SLIT1: variants seen among roughly 807,000 people sequenced by gnomAD.
SLIT1 encodes slit guidance ligand 1.
In SLIT1, 66 loss-of-function variants were observed where a neutral mutation model predicts 186.1. The ratio of observed to expected loss-of-function variants is 0.35; its 90% CI spans 0.29 to 0.44. SLIT1 has a LOEUF of 0.44. SLIT1 is among the 20% of genes least tolerant of loss of function. The pLI is 1.00. For synonymous variants in SLIT1, 761 were observed against 833.8 expected (o/e 0.91, Z 1.50); for missense variants, 1,638 against 2,037.4 (o/e 0.80, Z 3.77).
intron 20 of SLIT1, among the ~76,000 whole-genome samples, chr10:97,042,480 G>A (rs995284303): frequency 6.6e-6 from 1 of 152,082 alleles, no homozygotes; most frequent in Non-Finnish European, 1.5e-5. Context: ...TCCTACATAT[G>A]GGGGAGGGGA....
chr10:97,053,117 G>A (rs886249852), intron 13 of SLIT1, among the ~76,000 whole-genome samples: 1 of 152,172 alleles, frequency 6.6e-6, no homozygotes, highest in African/African-American at 2.4e-5. Flanking sequence ...AAATCAGGAT[G>A]ATAAAGCACC....
intron 4 of SLIT1, among the ~76,000 whole-genome samples, chr10:97,083,537 A>G (rs146240640): frequency 1.3e-5 from 2 of 152,216 alleles, no homozygotes; most frequent in African/African-American, 2.4e-5. Context: ...GGAAAGGTGA[A>G]ATTATGTTCA....
rs183685717 is a variant in SLIT1, at chr10:97,092,943, A to T, written c.414-26857T>A. On this transcript the variant is annotated intron_variant, in intron 4 of 36. Transcript: ENST00000266058. ...TGGACTATTGTTGGCTTCATTTCAC[A>T]TAAGAGGAAAGTGAGGTTCAGAGAG... Among the ~76,000 whole-genome samples, 60 of 152,334 alleles carry T rather than the reference A, an allele frequency of 3.9e-4. No individual in the cohort carries two copies. In the East Asian group the frequency reaches 0.011, roughly 28 times the overall value.
At chr10:97,080,758 C>T (rs1173448357) in intron 4 of SLIT1, among the ~76,000 whole-genome samples, 1 of 152,208 alleles carries the variant, frequency 6.6e-6, no homozygotes, top group African/African-American at 2.4e-5. Flanking sequence ...ATCAATTTGA[C>T]GTATTGGTCA....
At chr10:97,080,463 A>G (rs1380485763) in intron 4 of SLIT1, among the ~76,000 whole-genome samples, 1 of 152,202 alleles carries the variant, frequency 6.6e-6, no homozygotes, top group Non-Finnish European at 1.5e-5. Flanking sequence ...CAAAGGATCA[A>G]TTTGCTAAAT....
At chr10:97,016,231 C>A (rs1367283086) in intron 28 of SLIT1, among the ~76,000 whole-genome samples, 1 of 152,000 alleles carries the variant, frequency 6.6e-6, no homozygotes, top group Non-Finnish European at 1.5e-5. Flanking sequence ...ATTGCTTGAA[C>A]CCAGGAGGCA....
chr10:97,135,808 T>TG (rs2134698389), intron 4 of SLIT1, among the ~76,000 whole-genome samples: 1 of 152,052 alleles, frequency 6.6e-6, no homozygotes, highest in South Asian at 2.1e-4. Flanking sequence ...GGTCGGGGAG[T>TG]GGGTCCCCTG....
chr10:97,052,257 T>C (rs964640283), intron 13 of SLIT1, among the ~76,000 whole-genome samples: 3 of 152,022 alleles, frequency 2.0e-5, no homozygotes, highest in Admixed American at 1.3e-4. Flanking sequence ...CCACCACACC[T>C]GGCTAATTTT....
chr10:97,148,524 C>T (rs547904449), intron 4 of SLIT1, among the ~76,000 whole-genome samples: 5 of 152,174 alleles, frequency 3.3e-5, no homozygotes, highest in South Asian at 2.1e-4. Flanking sequence ...AAGCAATTCT[C>T]CCATCTCAGC....
chr10:97,164,757 C>A, intron 2 of SLIT1, 62 bp downstream of exon 2: 6 of 1,281,104 alleles, frequency 4.7e-6, no homozygotes, highest in African/African-American at 1.5e-5. Context: ...ACAGCCAGGG[C>A]CCTGCCCAGG....
At chr10:97,007,048 T>C (rs1013094496) in intron 31 of SLIT1, among the ~76,000 whole-genome samples, 5 of 152,086 alleles carry the variant, frequency 3.3e-5, no homozygotes, top group African/African-American at 7.2e-5. Flanking sequence ...ACCCATTTTA[T>C]AGAAAAGAAA....
At chr10:97,123,254 C>T (rs1849575539) in intron 4 of SLIT1, among the ~76,000 whole-genome samples, 1 of 152,222 alleles carries the variant, frequency 6.6e-6, no homozygotes, top group African/African-American at 2.4e-5. Context: ...TGTCAAGTAG[C>T]TTTTCCCTAA....
rs147003317 is a variant in SLIT1, at chr10:97,140,666, C to T, written c.413+17152G>A. On this transcript the variant is annotated intron_variant, in intron 4 of 36. Transcript: ENST00000266058. ...AACACCAGGGCCCCAAAGACAACTA[C>T]GTGGACTTCAAAGGGGGAAATGAGT... 3.5e-3 allele frequency among the ~76,000 whole-genome samples: 535 copies of T among 152,276 alleles called. 3 individuals carry two copies. The highest frequency in any genetic ancestry group is 6.0e-3 in the Non-Finnish European group (408 of 68,020).
Position 97,004,889 on chromosome 10 carries a change from G to A in SLIT1, c.3580-66C>T. On this transcript the variant is annotated intron_variant, in intron 32 of 36. Coordinates refer to ENST00000266058, the MANE Select transcript of SLIT1 (RefSeq NM_003061.3). This position sits in a 1 kb window ranked among gnomAD's most constrained non-coding sequence, Gnocchi z 5.1. The stretch of plus-strand genomic sequence containing the variant: ...CAGCAGCGGCACAGGCTAGCAGATG[G>A]GGCAGAGAGGGCACCCAAGATTGGA... 2 of 1,576,530 alleles carry A rather than the reference G, an allele frequency of 1.3e-6. No homozygotes were observed. Among genetic ancestry groups the A allele is most frequent in the Non-Finnish European group, 1.7e-6 (2 of 1,148,502 alleles).
chr10:97,001,275 C>T lies in SLIT1; in HGVS notation c.4442G>A (p.Arg1481His), dbSNP rs148906362. 47 of 1,613,220 alleles carry T rather than the reference C, an allele frequency of 2.9e-5. No individual in the cohort carries two copies. Among genetic ancestry groups the T allele is most frequent in the African/African-American group, 2.1e-4 (16 of 75,056 alleles). Residue 1481 changes from arginine to histidine, a missense_variant, in exon 37 of 37, where the codon CGC becomes CAC. Transcript: ENST00000266058. Reference protein sequence around the residue: ...QRGYAICQTTRPLSWVECRGS... With the variant: ...QRGYAICQTTHPLSWVECRGS... Reference sequence around the variant, plus strand: ...CCGGCACTCCACCCATGACAGGGGGCGCGTGGTCTGGCAGATGGCATAGCC... The same window carrying T: ...CCGGCACTCCACCCATGACAGGGGGTGCGTGGTCTGGCAGATGGCATAGCC...
intron 4 of SLIT1, among the ~76,000 whole-genome samples, chr10:97,107,529 C>T (rs1302623963): frequency 6.6e-6 from 1 of 152,202 alleles, no homozygotes; most frequent in Non-Finnish European, 1.5e-5. Flanking sequence ...GGTCATGGAC[C>T]AATTCCTGTT....
At chr10:97,166,910 T>C (rs1467957926) in intron 1 of SLIT1, among the ~76,000 whole-genome samples, 1 of 152,202 alleles carries the variant, frequency 6.6e-6, no homozygotes, top group East Asian at 1.9e-4. Flanking sequence ...AACAGGAATC[T>C]GAACCCGTGG....
At chr10:97,169,871 T>A (rs1001343299) in intron 1 of SLIT1, among the ~76,000 whole-genome samples, 1 of 152,224 alleles carries the variant, frequency 6.6e-6, no homozygotes, top group African/African-American at 2.4e-5. Flanking sequence ...TGAAGCAACT[T>A]GCATGGTGCC....
At chr10:97,085,621 C>T (rs1049521996) in intron 4 of SLIT1, among the ~76,000 whole-genome samples, 2 of 152,066 alleles carry the variant, frequency 1.3e-5, no homozygotes, top group African/African-American at 2.4e-5. Context: ...CTCCTGACCC[C>T]GTGATCCGCC....
Sources: allele counts gnomAD v4.1 joint callset (sites outside exome capture counted in the v4.1 genomes callset), GRCh38; gene constraint gnomAD v4.1.1; non-coding constraint Gnocchi (gnomAD v3.1); transcripts MANE v1.5; gene names NCBI Gene and HGNC (gene_info 2026-07-23, HGNC 2026-07-21).